The following TMEM131L variants were observed in gnomAD, a reference collection of about 807,000 sequenced individuals.
TMEM131L encodes transmembrane protein 131-like.
In TMEM131L, 54 loss-of-function variants were observed where a neutral mutation model predicts 192.2. The observed-to-expected ratio is 0.28, with a 90% CI of 0.23 to 0.35. The LOEUF (loss-of-function observed/expected upper bound fraction) is 0.35, where lower values mean the gene tolerates loss of function less well. Ranked by LOEUF, TMEM131L falls within the 10% of genes least tolerant of loss-of-function variation. The pLI is 1.00. For missense variants in TMEM131L, 1,888 were observed against 1,972.9 expected (o/e 0.96, Z 0.82); for synonymous variants, 701 against 704.9 (o/e 0.99, Z 0.09).
chr4:153,513,510 T>C (rs1580111498), intron 3 of TMEM131L, among the ~76,000 whole-genome samples: 2 of 152,310 alleles, frequency 1.3e-5, no homozygotes, highest in South Asian at 4.1e-4. Context: ...TCTTACTTAC[T>C]CTTTGAGTTC....
chr4:153,561,751 G>A (rs898232617), intron 7 of TMEM131L, among the ~76,000 whole-genome samples: 8 of 151,904 alleles, frequency 5.3e-5, no homozygotes, highest in African/African-American at 1.9e-4. Flanking sequence ...ACTTTCTAAG[G>A]CTGCTCCTTT....
intron 2 of TMEM131L, among the ~76,000 whole-genome samples, chr4:153,471,287 A>C (rs1330517641): frequency 6.6e-6 from 1 of 151,676 alleles, no homozygotes; most frequent in Non-Finnish European, 1.5e-5. Context: ...TGCCCGGCCC[A>C]TGTCTTCGTT....
intron 3 of TMEM131L, among the ~76,000 whole-genome samples, chr4:153,511,731 A>G (rs927544763): frequency 2.0e-5 from 3 of 152,154 alleles, no homozygotes; most frequent in Non-Finnish European, 4.4e-5. Flanking sequence ...AAAATAATAG[A>G]TTTTGTGCTG....
At chr4:153,556,810 T>TGATC (rs1728492763) in intron 5 of TMEM131L, among the ~76,000 whole-genome samples, 156 bp from the exon 6 acceptor site, 1 of 151,446 alleles carries the variant, frequency 6.6e-6, no homozygotes, top group Admixed American at 6.6e-5. Context: ...AATTGGATGC[T>TGATC]GATCAGTTTG....
intron 5 of TMEM131L, among the ~76,000 whole-genome samples, chr4:153,556,375 T>C (rs1728449497): frequency 6.6e-6 from 1 of 152,218 alleles, no homozygotes; most frequent in Non-Finnish European, 1.5e-5. Flanking sequence ...GTAAAGCTGA[T>C]TGGCACCATA....
At chr4:153,510,001 C>T (rs1159310355) in intron 3 of TMEM131L, among the ~76,000 whole-genome samples, 1 of 152,104 alleles carries the variant, frequency 6.6e-6, no homozygotes, top group Non-Finnish European at 1.5e-5. Context: ...TTGTAGAATG[C>T]TACCTTTTCA....
intron 3 of TMEM131L, among the ~76,000 whole-genome samples, chr4:153,494,991 A>G (rs1458047795): frequency 6.6e-6 from 1 of 152,152 alleles, no homozygotes; most frequent in Non-Finnish European, 1.5e-5. Flanking sequence ...TGAACCCAAA[A>G]TATCTGAGAC....
chr4:153,634,432 T>C (rs1734432972), intron 33 of TMEM131L, 152 bp downstream of exon 33: 3 of 618,052 alleles, frequency 4.9e-6, no homozygotes, highest in Admixed American at 3.0e-5. Context: ...GTGGATCCAG[T>C]TGTGCACTGA....
intron 31 of TMEM131L, among the ~76,000 whole-genome samples, chr4:153,628,197 C>T (rs1224698871): frequency 2.0e-5 from 3 of 152,238 alleles, no homozygotes; most frequent in Non-Finnish European, 4.4e-5. Flanking sequence ...CCGCCTTGCT[C>T]AGGCATCAGT....
At chr4:153,468,940 A>G (rs534694790) in intron 2 of TMEM131L, among the ~76,000 whole-genome samples, 115 of 152,348 alleles carry the variant, frequency 7.5e-4, no homozygotes, top group African/African-American at 2.7e-3. Flanking sequence ...AAAGTAAATT[A>G]TAGGTGATTG....
chr4:153,491,900 G>A (rs1361608699), intron 3 of TMEM131L, among the ~76,000 whole-genome samples: 2 of 152,052 alleles, frequency 1.3e-5, no homozygotes, highest in African/African-American at 4.8e-5. Context: ...GTAGAGACAA[G>A]GTTTCATGTT....
rs537000395 is a variant in TMEM131L, at chr4:153,570,825, G to C, written c.661-10001G>C. Among the ~76,000 whole-genome samples, 23 of 152,242 alleles carry C rather than the reference G, an allele frequency of 1.5e-4. No homozygotes were observed. The South Asian group carries it at 3.3e-3, about 22-fold the overall frequency. ...CCTTTTTGTCCACTTATTTCAACTGGAGTGGTGTTCTCAGCAGATGCCCTG... is the reference window on the plus strand; with the variant it reads ...CCTTTTTGTCCACTTATTTCAACTGCAGTGGTGTTCTCAGCAGATGCCCTG... On this transcript the variant is annotated intron_variant, in intron 7 of 34. Transcript: ENST00000409959.
intron 29 of TMEM131L, among the ~76,000 whole-genome samples, chr4:153,624,729 C>T (rs1733708368): frequency 6.6e-6 from 1 of 152,202 alleles, no homozygotes; most frequent in African/African-American, 2.4e-5. Context: ...CTTCTTCCCC[C>T]AGATCCCAGT....
At chr4:153,540,043 G>A (rs565023759) in intron 3 of TMEM131L, among the ~76,000 whole-genome samples, 4 of 152,022 alleles carry the variant, frequency 2.6e-5, no homozygotes, top group South Asian at 2.1e-4. Flanking sequence ...CCCGGGAGGC[G>A]GAGGTTGCAG....
At chr4:153,627,471 G>A (rs1733928033) in intron 30 of TMEM131L, 134 bp from the exon 31 acceptor site, 1 of 627,346 alleles carries the variant, frequency 1.6e-6, no homozygotes, top group African/African-American at 1.8e-5. Flanking sequence ...CTTTATATCT[G>A]TATGTTTCTT....
At chr4:153,519,057 C>T (rs1028118949) in intron 3 of TMEM131L, among the ~76,000 whole-genome samples, 5 of 152,150 alleles carry the variant, frequency 3.3e-5, no homozygotes, top group African/African-American at 1.2e-4. Flanking sequence ...TCCCCACCTT[C>T]CTGGGGGGAA....
intron 20 of TMEM131L, among the ~76,000 whole-genome samples, 155 bp from the exon 21 acceptor site, chr4:153,598,435 G>A (rs1293146256): frequency 6.6e-6 from 1 of 152,004 alleles, no homozygotes; most frequent in Non-Finnish European, 1.5e-5. Context: ...TCTGTGAGAT[G>A]GAAGAAGATA....
chr4:153,601,881 A>G, intron 21 of TMEM131L: 1 of 221,968 alleles, frequency 4.5e-6, no homozygotes, highest in Non-Finnish European at 8.6e-6. Flanking sequence ...GGACCAAAGA[A>G]GAGATTTTAG....
At chr4:153,466,990 G>C (rs2149688898) in intron 1 of TMEM131L, among the ~76,000 whole-genome samples, 1 of 152,128 alleles carries the variant, frequency 6.6e-6, no homozygotes, top group East Asian at 1.9e-4. Context: ...AGCACCCCGA[G>C]CCTGCCTGCA....
Sources: allele counts gnomAD v4.1 joint callset (sites outside exome capture counted in the v4.1 genomes callset), GRCh38; gene constraint gnomAD v4.1.1; transcripts MANE v1.5; gene names NCBI Gene and HGNC (gene_info 2026-07-23, HGNC 2026-07-21).